The following MFGE8 variants were observed in gnomAD, a reference collection of about 807,000 sequenced individuals.
The protein encoded by MFGE8 is lactadherin.
MFGE8 carries 34 observed loss-of-function variants against 42.6 expected under a neutral mutation model. The observed-to-expected ratio is 0.80, with a 90% confidence interval of 0.61 to 1.06. The LOEUF is 1.06. MFGE8 is among the 50% of genes least tolerant of loss of function. The pLI is 0.00. For missense variants in MFGE8, 510 were observed against 516.9 expected (o/e 0.99, Z 0.13); for synonymous variants, 230 against 214.8 (o/e 1.07, Z -0.62).
intron 1 of MFGE8, chr15:88,912,740 A>T: frequency 2.0e-6 from 2 of 984,648 alleles, no homozygotes; most frequent in Non-Finnish European, 2.4e-6. Context: ...CATTGCACCG[A>T]CTCCCCGGCC....
In MFGE8 at chr15:88,907,432, C is replaced by G. The variant is rs543394671; in HGVS notation, c.206-56G>C. Reference sequence around the variant, plus strand: ...TACCCCAGCAGGTTCCCGGGCCCAGCTGGGACCCAGCGGACAAGAAAATAA... The same window carrying G: ...TACCCCAGCAGGTTCCCGGGCCCAGGTGGGACCCAGCGGACAAGAAAATAA... On this transcript the variant is annotated intron_variant, in intron 2 of 7. Transcript: ENST00000268150. 11 of 1,538,418 alleles carry G rather than the reference C, an allele frequency of 7.2e-6. No individual in the cohort carries two copies. In the East Asian group the frequency reaches 1.1e-4, roughly 16 times the overall value.
Position 88,906,844 on chromosome 15 carries a change from G to C in MFGE8, c.388-66C>G, listed in dbSNP as rs1596198020. 20 of 1,598,138 alleles carry C rather than the reference G, an allele frequency of 1.3e-5. No homozygotes were observed. In the South Asian group the frequency reaches 1.4e-4, roughly 11 times the overall value. ...GTTCTTTCCACTCAAGATCCAAGCA[G>C]ACCCATCCCTTCACTCCCCCACTGG... On this transcript the variant is annotated intron_variant, in intron 3 of 7. Transcript: ENST00000268150. This position sits in a 1 kb window ranked among gnomAD's most constrained non-coding sequence, Gnocchi z 4.2.
intron 6 of MFGE8, 43 bp downstream of exon 6, chr15:88,901,508 T>TACCC: frequency 2.2e-6 from 2 of 924,208 alleles, no homozygotes; most frequent in Non-Finnish European, 1.7e-6. Flanking sequence ...TCCCACCTCA[T>TACCC]CCCACCCAAC....
intron 6 of MFGE8, 101 bp downstream of exon 6, chr15:88,901,450 G>T: frequency 8.5e-7 from 1 of 1,173,536 alleles, no homozygotes; most frequent in Non-Finnish European, 1.2e-6. Context: ...AACTCTTTTG[G>T]GGAGCAGAAG....
At chr15:88,910,003 G>A (rs1334937904) in intron 1 of MFGE8, 80 bp from the exon 2 acceptor site, 7 of 1,551,838 alleles carry the variant, frequency 4.5e-6, no homozygotes, top group Middle Eastern at 3.4e-4. Context: ...GATGGGTCCA[G>A]CCCAAAAGGA....
At position 88,901,625 on chromosome 15, in the gene MFGE8, A is replaced by C; in HGVS notation, c.796T>G (p.Tyr266Asp). ...GLHLFSWNPS[Y>D]ARLDKQGNFN... ...TTGCCCTGCTTGTCCAGCCGTGCATAGGAGGGGTTCCAGCTGAAGAGATGC... is the reference window on the plus strand; with the variant it reads ...TTGCCCTGCTTGTCCAGCCGTGCATCGGAGGGGTTCCAGCTGAAGAGATGC... Residue 266 changes from tyrosine to aspartate, a missense_variant, in exon 6 of 8, where the codon TAT (tyrosine) becomes GAT (aspartate). By Grantham distance (160) the Tyr-to-Asp change is radical (BLOSUM62 -3). Transcript: ENST00000268150. The C allele has an allele frequency of 6.2e-7, 1 of 1,613,762 alleles. No homozygotes were observed. The highest frequency in any genetic ancestry group is 1.3e-5 in the African/African-American group (1 of 74,900).
At chr15:88,900,311 G>A (rs980487244) in intron 6 of MFGE8, among the ~76,000 whole-genome samples, 10 of 151,772 alleles carry the variant, frequency 6.6e-5, no homozygotes, top group East Asian at 3.9e-4. Flanking sequence ...CATGGTGTTC[G>A]GTACCTCACT....
chr15:88,906,271 G>A lies in MFGE8; in HGVS notation c.540+355C>T. 2.2e-6 allele frequency: 1 copy of A among 451,786 alleles called. No individual in the cohort carries two copies. Among genetic ancestry groups the A allele is most frequent in the South Asian group, 2.1e-5 (1 of 47,474 alleles). 28.0% of individuals were successfully genotyped at this position (451,786 alleles called of 1,614,324 possible). ...CACAAATGTACAATGCCTGTACTGT[G>A]AATGGTGCCTGCTTAGCAATGACAT... On this transcript the variant is annotated intron_variant, in intron 4 of 7. Transcript: ENST00000268150. The surrounding 1 kb of genome is among the most constrained non-coding windows in gnomAD (Gnocchi z 4.2).
rs201003155 is a variant in MFGE8 at position 88,901,504 on chromosome 15, C to T, written c.870+47G>A. 7.2e-6 allele frequency: 11 copies of T among 1,519,102 alleles called. No individual in the cohort carries two copies. The East Asian group carries it at 2.3e-4, about 32-fold the overall frequency. The allele number at this position is 1,519,102 out of a possible 1,614,324, so 94.1% of individuals were successfully genotyped here. A position where few individuals can be genotyped will look rare whatever the true frequency, so the allele number is the denominator to read the frequency against. On this transcript the variant is annotated intron_variant, in intron 6 of 7. Coordinates refer to ENST00000268150, the MANE Select transcript of MFGE8 (RefSeq NM_005928.4). ...GAGGTCAAAGATCTGGCAGTCCCAC[C>T]TCATCCCACCCAACCCCAGCCCCAT...
rs758201382 is a variant in MFGE8 at position 88,899,532 on chromosome 15, T to C, written c.1027A>G (p.Ile343Val). 4 of 1,613,888 alleles carry C rather than the reference T, an allele frequency of 2.5e-6. No individual in the cohort carries two copies. Among genetic ancestry groups the C allele is most frequent in the African/African-American group, 1.3e-5 (1 of 74,860 alleles). The change falls in exon 8 of 8, where the codon ATC (isoleucine) becomes GTC (valine). Residue 343 changes from isoleucine (I) to valine (V), a missense_variant and splice_region_variant. Transcript: ENST00000268150. This position sits in a 1 kb window ranked among gnomAD's most constrained non-coding sequence, Gnocchi z 6.8. ...TGGTTGTCCCAGTTGCCAGGGAAGATCTAGAGGCAGAGCGGGTGTCAGGAG... is the reference window on the plus strand; with the variant it reads ...TGGTTGTCCCAGTTGCCAGGGAAGACCTAGAGGCAGAGCGGGTGTCAGGAG... The part of the protein sequence containing the change: ...YQDPRTGSSK[I>V]FPGNWDNHSH...
At position 88,905,643 on chromosome 15, in the gene MFGE8, C is replaced by T. The variant is rs534106626; in HGVS notation, c.685+114G>A. On this transcript the variant is annotated intron_variant, in intron 5 of 7. Transcript: ENST00000268150. The surrounding 1 kb of genome is among the most constrained non-coding windows in gnomAD (Gnocchi z 6.6). Reference sequence around the variant, plus strand: ...CGTTGCCCGAGTGAAGCCTGGTCCCCGTGCCTTGTTGCTGCCCTACCTAGC... The same window carrying T: ...CGTTGCCCGAGTGAAGCCTGGTCCCTGTGCCTTGTTGCTGCCCTACCTAGC... The T allele has an allele frequency of 1.2e-4, 175 of 1,435,176 alleles. No individual in the cohort carries two copies. The African/African-American group carries it at 1.9e-3, about 15-fold the overall frequency. 88.9% of individuals were successfully genotyped at this position (1,435,176 alleles called of 1,614,324 possible).
chr15:88,908,065 G>A (rs951582144), intron 2 of MFGE8, among the ~76,000 whole-genome samples: 1 of 152,142 alleles, frequency 6.6e-6, no homozygotes, highest in Admixed American at 6.5e-5. Flanking sequence ...CCCTCACCCA[G>A]CCATCTGTGA....
In MFGE8 at chr15:88,909,882, C is replaced by T. The variant is rs777071028; in HGVS notation, c.115G>A (p.Glu39Lys). Residue 39 changes from glutamate (E) to lysine (K), a missense_variant, in exon 2 of 8, where the codon GAG becomes AAG. Coordinates refer to ENST00000268150, the MANE Select transcript of MFGE8 (RefSeq NM_005928.4). ...KNPCHNGGLC[E>K]EISQEVRGDV... Reference sequence around the variant, plus strand: ...CCTCGCACTTCTTGGGAAATCTCCTCGCATAAACCACCGTTGTGGCAGGGG... The same window carrying T: ...CCTCGCACTTCTTGGGAAATCTCCTTGCATAAACCACCGTTGTGGCAGGGG... 3.0e-5 allele frequency: 49 copies of T among 1,614,084 alleles called. No homozygotes were observed. In the South Asian group the frequency reaches 4.9e-4, roughly 16 times the overall value.
chr15:88,899,741 T>C lies in MFGE8; in HGVS notation c.941A>G (p.Gln314Arg). 2 of 1,614,170 alleles carry C rather than the reference T, an allele frequency of 1.2e-6. No homozygotes were observed. The change falls in exon 7 of 8, where the codon CAG (glutamine) becomes CGG (arginine). Residue 314 changes from glutamine to arginine, a missense_variant. Gln to Arg is a conservative substitution (Grantham distance 43). Transcript: ENST00000268150. This position sits in a 1 kb window ranked among gnomAD's most constrained non-coding sequence, Gnocchi z 6.8. ...TQGARNFGSV[Q>R]FVASYKVAYS... The stretch of plus-strand genomic sequence containing the variant: ...GGCAACCTTGTAGGATGCCACAAAC[T>C]GGACAGAGCCAAAGTTACGGGCCCC...
chr15:88,905,873 G>A lies in MFGE8; in HGVS notation c.569C>T (p.Ala190Val), dbSNP rs143521674. 2.0e-5 allele frequency: 33 copies of A among 1,614,062 alleles called. No individual in the cohort carries two copies. The highest frequency in any genetic ancestry group is 1.6e-4 in the Middle Eastern group (1 of 6,084). The change falls in exon 5 of 8, where the codon GCG becomes GTG. Residue 190 changes from alanine (A) to valine (V), a missense_variant. Transcript: ENST00000268150. This position sits in a 1 kb window ranked among gnomAD's most constrained non-coding sequence, Gnocchi z 6.6. Reference protein sequence around the residue: ...KEFVGNWNKNAVHVNLFETPV... With the variant: ...KEFVGNWNKNVVHVNLFETPV... ...GGTCTCAAACAGGTTGACATGCACC[G>A]CGTTTTTGTTCCAGTTACCCACAAA...
At chr15:88,912,135 A>G in intron 1 of MFGE8, 1 of 1,289,830 alleles carries the variant, frequency 7.8e-7, no homozygotes, top group Non-Finnish European at 1.0e-6. Context: ...TGTGTGTAAG[A>G]TAGGTATGGT....
rs1247637184 is a variant in MFGE8 at position 88,905,431 on chromosome 15, T to G, written c.685+326A>C. On this transcript the variant is annotated intron_variant, in intron 5 of 7. Transcript: ENST00000268150. This position sits in a 1 kb window ranked among gnomAD's most constrained non-coding sequence, Gnocchi z 6.6. ...GACAGATTCTCTGCCCTCGTAAAGC[T>G]GACATCTGCCAAACACACCTAACGC... 3.7e-6 allele frequency: 2 copies of G among 533,932 alleles called. No individual in the cohort carries two copies. 33.1% of individuals were successfully genotyped at this position (533,932 alleles called of 1,614,324 possible).
Position 88,899,036 on chromosome 15 carries a change from A to G in MFGE8, c.*359T>C, listed in dbSNP as rs1483673422. ...ACCATGGGAATGTGATGTGTGAGAG[A>G]GGGGCTAGGAGAGACAGAGACACAC... On this transcript the variant is annotated 3_prime_UTR_variant, in exon 8 of 8. Coordinates refer to ENST00000268150, the MANE Select transcript of MFGE8 (RefSeq NM_005928.4). This position sits in a 1 kb window ranked among gnomAD's most constrained non-coding sequence, Gnocchi z 6.8. The G allele has an allele frequency of 2.9e-6, 1 of 343,576 alleles. No individual in the cohort carries two copies. The highest frequency in any genetic ancestry group is 3.0e-5 in the South Asian group (1 of 33,478). The allele number at this position is 343,576 out of a possible 1,614,324, so 21.3% of individuals were successfully genotyped here.
At position 88,909,813 on chromosome 15, in the gene MFGE8, C is replaced by G; in HGVS notation, c.184G>C (p.Ala62Pro). ...SYTCTCLKGY[A>P]GNHCETKCVE... is the part of the protein sequence containing the mutation. ...TCACTCGTCTCACAGTGGTTGCCCG[C>G]GTAGCCCTTAAGGCACGTGCAGGTG... The change falls in exon 2 of 8, where the codon GCG becomes CCG. Residue 62 changes from alanine (A) to proline (P), a missense_variant. Transcript: ENST00000268150. 6.2e-7 allele frequency: 1 copy of G among 1,614,210 alleles called. No homozygotes were observed. Among genetic ancestry groups the G allele is most frequent in the Non-Finnish European group, 8.5e-7 (1 of 1,180,022 alleles).
Sources: allele counts gnomAD v4.1 joint callset (sites outside exome capture counted in the v4.1 genomes callset), GRCh38; gene constraint gnomAD v4.1.1; non-coding constraint Gnocchi (gnomAD v3.1); transcripts MANE v1.5; gene names NCBI Gene and HGNC (gene_info 2026-07-23, HGNC 2026-07-21).